The following ENOX1 variants were observed in gnomAD, a reference collection of about 807,000 sequenced individuals.
The protein encoded by ENOX1 is ecto-NOX disulfide-thiol exchanger 1, also known as candidate growth-related and time keeping constitutive hydroquinone (NADH) oxidase.
Under a neutral mutation model 82.5 loss-of-function variants are expected in ENOX1, and 42 were observed. That is an observed-to-expected ratio of 0.51 (90% CI 0.40 to 0.66). The LOEUF is 0.66. Ranked by LOEUF, ENOX1 falls within the 30% of genes least tolerant of loss-of-function variation. The pLI is 0.00. For synonymous variants in ENOX1, 271 were observed against 282.2 expected (o/e 0.96, Z 0.40); for missense variants, 608 against 811.6 (o/e 0.75, Z 3.05).
At chr13:43,351,520 C>T (rs1297307740) in intron 8 of ENOX1, among the ~76,000 whole-genome samples, 1 of 147,152 alleles carries the variant, frequency 6.8e-6, no homozygotes, top group African/African-American at 2.5e-5. Context: ...TGGTGCGCTG[C>T]ACCCACTAAC....
chr13:43,419,190 G>A (rs905613930), intron 3 of ENOX1, among the ~76,000 whole-genome samples: 15 of 152,058 alleles, frequency 9.9e-5, no homozygotes, highest in Non-Finnish European at 1.8e-4. Context: ...TTAAAGGAGG[G>A]TAGAGATCAG....
intron 3 of ENOX1, among the ~76,000 whole-genome samples, chr13:43,421,358 C>T (rs1449928386): frequency 6.6e-6 from 1 of 152,170 alleles, no homozygotes; most frequent in Admixed American, 6.5e-5. Context: ...GTTTAATTTA[C>T]AATTTTTTAA....
intron 3 of ENOX1, among the ~76,000 whole-genome samples, chr13:43,417,852 A>C (rs767297068): frequency 7.6e-4 from 116 of 152,188 alleles, no homozygotes; most frequent in Non-Finnish European, 2.6e-4. Flanking sequence ...GTGTTGCCCT[A>C]GTTTTCTGTG....
intron 14 of ENOX1, among the ~76,000 whole-genome samples, chr13:43,260,066 C>T (rs2043969843): frequency 6.6e-6 from 1 of 152,206 alleles, no homozygotes; most frequent in Admixed American, 6.5e-5. Context: ...AGAAACTGAG[C>T]AGAGGACTCA....
chr13:43,606,132 G>A (rs2081966630), intron 2 of ENOX1, among the ~76,000 whole-genome samples: 1 of 152,094 alleles, frequency 6.6e-6, no homozygotes, highest in Non-Finnish European at 1.5e-5. Flanking sequence ...CAGTTAAAAT[G>A]TCTTTTAGCC....
At chr13:43,630,860 T>TATATATATATACAC (rs34023929) in intron 2 of ENOX1, among the ~76,000 whole-genome samples, 71 of 147,788 alleles carry the variant, frequency 4.8e-4, no homozygotes, top group African/African-American at 1.1e-3. Flanking sequence ...TATATATATA[T>TATATATATATACAC]ACACACACAC....
intron 3 of ENOX1, among the ~76,000 whole-genome samples, chr13:43,445,270 C>T (rs957594108): frequency 4.0e-5 from 6 of 151,170 alleles, no homozygotes; most frequent in Non-Finnish European, 7.4e-5. Context: ...ACTACAGGCA[C>T]CCACCACCAC....
At chr13:43,649,696 T>G (rs2084064756) in intron 2 of ENOX1, among the ~76,000 whole-genome samples, 1 of 151,914 alleles carries the variant, frequency 6.6e-6, no homozygotes, top group Non-Finnish European at 1.5e-5. Flanking sequence ...TGAATTGAGG[T>G]CAAAAGTAGC....
At chr13:43,553,153 T>C (rs1189828219) in intron 2 of ENOX1, among the ~76,000 whole-genome samples, 3 of 152,112 alleles carry the variant, frequency 2.0e-5, no homozygotes, top group Non-Finnish European at 4.4e-5. Context: ...AAGTTGGGAA[T>C]GGCACACAAA....
At chr13:43,710,446 G>T (rs1176057954) in intron 1 of ENOX1, among the ~76,000 whole-genome samples, 8 of 152,042 alleles carry the variant, frequency 5.3e-5, no homozygotes. Flanking sequence ...TAAGAATGAG[G>T]GTAACTTCCT....
At chr13:43,731,182 G>A (rs530613797) in intron 1 of ENOX1, among the ~76,000 whole-genome samples, 1 of 152,218 alleles carries the variant, frequency 6.6e-6, no homozygotes, top group South Asian at 2.1e-4. Context: ...CAAATTCTAG[G>A]TAATGACCCC....
chr13:43,572,832 T>C (rs1182229505), intron 2 of ENOX1, among the ~76,000 whole-genome samples: 1 of 152,228 alleles, frequency 6.6e-6, no homozygotes, highest in African/African-American at 2.4e-5. Context: ...TCCCTGCTGT[T>C]AGAGGGATAA....
Position 43,502,239 on chromosome 13 carries a change from C to G in ENOX1, c.-218-18087G>C, listed in dbSNP as rs577527306. 2.0e-5 allele frequency among the ~76,000 whole-genome samples: 3 copies of G among 151,678 alleles called. No homozygotes were observed. In the South Asian group the frequency reaches 6.2e-4, roughly 32 times the overall value. On this transcript the variant is annotated intron_variant, in intron 2 of 16. Transcript: ENST00000690772. ...GAGCTAATAAGTAATCAAAAACCAC[C>G]TACTAAGTAAAAGCCCAGTATCAGA...
chr13:43,755,838 A>G (rs1161267955), intron 1 of ENOX1, among the ~76,000 whole-genome samples: 1 of 152,248 alleles, frequency 6.6e-6, no homozygotes, highest in Non-Finnish European at 1.5e-5. Context: ...ATTAGAGATA[A>G]TTGGACCTTA....
At chr13:43,646,994 C>T (rs1248987567) in intron 2 of ENOX1, among the ~76,000 whole-genome samples, 1 of 152,192 alleles carries the variant, frequency 6.6e-6, no homozygotes, top group Non-Finnish European at 1.5e-5. Context: ...AGCTTCTTAC[C>T]ATTCCATGTT....
rs1360087043 is a variant in ENOX1 at position 43,460,809 on chromosome 13, AAAAAAAAAAAAAAAAAAAAAAT to A, written c.-75+23178_-75+23199del. Among the ~76,000 whole-genome samples, 1,215 of 95,500 alleles carry A rather than the reference AAAAAAAAAAAAAAAAAAAAAAT, an allele frequency of 0.013. 133 individuals carry two copies. In the East Asian group the frequency reaches 0.27, roughly 22 times the overall value. The allele number at this position is 95,500 out of a possible 152,430, so 62.7% of individuals were successfully genotyped here. The stretch of plus-strand genomic sequence containing the variant: ...ACTCCATCTCAAAAAAAAAAAAAAA[AAAAAAAAAAAAAAAAAAAAAAT>A]AGGGATAGCTCTCTACAAACCAAGG... On this transcript the variant is annotated intron_variant, in intron 3 of 16. Transcript: ENST00000690772.
intron 11 of ENOX1, among the ~76,000 whole-genome samples, chr13:43,306,702 T>C (rs1053604738): frequency 5.3e-5 from 8 of 152,212 alleles, no homozygotes; most frequent in African/African-American, 1.9e-4. Flanking sequence ...AAAGCAGTGA[T>C]CTCTTTTTCC....
At chr13:43,449,027 A>G (rs997748082) in intron 3 of ENOX1, among the ~76,000 whole-genome samples, 11 of 152,204 alleles carry the variant, frequency 7.2e-5, no homozygotes, top group African/African-American at 2.2e-4. Context: ...TCACAGAGAC[A>G]ATGTTTGTTG....
rs561767076 is a variant in ENOX1, at chr13:43,263,547, G to A, written c.1611+1851C>T. Among the ~76,000 whole-genome samples the A allele has an allele frequency of 2.6e-5, 4 of 152,272 alleles. No homozygotes were observed. In the East Asian group the frequency reaches 5.8e-4, roughly 22 times the overall value. ...AGTGACTTTTAAAATTTTTCAAAAAGGGCCTATGGGCTAGATACTGTGTTA... is the reference window on the plus strand; with the variant it reads ...AGTGACTTTTAAAATTTTTCAAAAAAGGCCTATGGGCTAGATACTGTGTTA... On this transcript the variant is annotated intron_variant, in intron 14 of 16. Coordinates refer to ENST00000690772, the MANE Select transcript of ENOX1 (RefSeq NM_001347969.2).
Sources: gnomAD v4.1 joint callset for allele counts (sites outside exome capture counted in the v4.1 genomes callset) on GRCh38, gnomAD v4.1.1 for gene constraint, MANE v1.5 for transcripts, NCBI Gene and HGNC (gene_info 2026-07-23, HGNC 2026-07-21) for gene names.